The following RFX7 variants were observed in gnomAD, a reference collection of about 807,000 sequenced individuals.
RFX7 encodes regulatory factor X7.
A neutral mutation model predicts 111.8 loss-of-function variants in RFX7; 26 were observed. That is an observed-to-expected ratio of 0.23 (90% CI 0.17 to 0.32). RFX7 has a LOEUF of 0.32. Ranked by LOEUF, RFX7 falls within the 10% of genes least tolerant of loss-of-function variation. RFX7 has a pLI of 1.00. For synonymous variants in RFX7, 624 were observed against 624.4 expected (o/e 1.00, Z 0.01); for missense variants, 1,573 against 1,772.9 (o/e 0.89, Z 2.02).
At chr15:56,097,405 A>G (rs576502888) in intron 9 of RFX7, among the ~76,000 whole-genome samples, 28 of 152,068 alleles carry the variant, frequency 1.8e-4, no homozygotes, top group Admixed American at 3.9e-4. Flanking sequence ...TTAGAATTTT[A>G]CTCCATCTGA....
At chr15:56,166,600 T>G (rs1171633310) in intron 3 of RFX7, among the ~76,000 whole-genome samples, 1 of 152,190 alleles carries the variant, frequency 6.6e-6, no homozygotes, top group African/African-American at 2.4e-5. Flanking sequence ...TAACACCAGT[T>G]TCATGAGAAG....
chr15:56,115,771 T>A (rs2042001672), intron 5 of RFX7, among the ~76,000 whole-genome samples: 3 of 151,958 alleles, frequency 2.0e-5, no homozygotes, highest in Admixed American at 1.3e-4. Context: ...ATCCTGTCTC[T>A]ACTAAAAATA....
intron 5 of RFX7, among the ~76,000 whole-genome samples, chr15:56,114,667 G>C (rs1034887314): frequency 1.3e-5 from 2 of 151,632 alleles, no homozygotes; most frequent in African/African-American, 4.8e-5. Context: ...AGATTACTTT[G>C]CTTGAAGTCA....
Position 56,142,790 on chromosome 15 carries a change from T to A in RFX7, c.389A>T (p.Tyr130Phe). Residue 130 changes from tyrosine to phenylalanine, a missense_variant, in exon 5 of 10, where the codon TAT becomes TTT. By Grantham distance (22) the Tyr-to-Phe change is conservative. Transcript: ENST00000559447. The stretch of plus-strand genomic sequence containing the variant: ...ACATACTACTTACTTGTACTCATCA[T>A]AGACTTCCTGTTTGGGCAGTGAAGT... Reference protein sequence around the residue: ...PETSLPKQEVYDEYKSYCDNL... With the variant: ...PETSLPKQEVFDEYKSYCDNL... 1.2e-6 allele frequency: 2 copies of A among 1,613,256 alleles called. No homozygotes were observed. Among genetic ancestry groups the A allele is most frequent in the East Asian group, 2.2e-5 (1 of 44,874 alleles).
chr15:56,225,352 A>G (rs2043470854), intron 2 of RFX7, among the ~76,000 whole-genome samples: 1 of 152,176 alleles, frequency 6.6e-6, no homozygotes, highest in Non-Finnish European at 1.5e-5. Flanking sequence ...GGTTTCAGTT[A>G]CAGTCCCTCA....
At chr15:56,234,100 C>T (rs2043597480) in intron 2 of RFX7, among the ~76,000 whole-genome samples, 2 of 152,154 alleles carry the variant, frequency 1.3e-5, no homozygotes, top group African/African-American at 2.4e-5. Context: ...GGCCACTATC[C>T]TGAATTTTGT....
At chr15:56,131,382 T>A (rs541199636) in intron 5 of RFX7, among the ~76,000 whole-genome samples, 74 of 138,292 alleles carry the variant, frequency 5.4e-4, no homozygotes, top group Middle Eastern at 4.0e-3. Flanking sequence ...ATCCTCCAAC[T>A]CAGACTCTCG....
chr15:56,139,563 G>A (rs1378085301), intron 5 of RFX7, among the ~76,000 whole-genome samples: 2 of 152,078 alleles, frequency 1.3e-5, no homozygotes, highest in Non-Finnish European at 1.5e-5. Flanking sequence ...TGGTTTGAAT[G>A]TCCTCCCGTA....
Position 56,103,585 on chromosome 15 carries a change from C to A in RFX7, c.487G>T (p.Ala163Ser). Residue 163 changes from alanine to serine, a missense_variant, in exon 6 of 10, where the codon GCA (alanine) becomes TCA (serine). Transcript: ENST00000559447. ...IMKNVFPNMK[A>S]RRLGTRGKSK... ...TTGCCTCTTGTGCCCAAACGACGTGCCTTCATGTTTGGAAAGACGTTTTTC... is the reference window on the plus strand; with the variant it reads ...TTGCCTCTTGTGCCCAAACGACGTGACTTCATGTTTGGAAAGACGTTTTTC... 6.2e-7 allele frequency: 1 copy of A among 1,607,324 alleles called. No homozygotes were observed. Among genetic ancestry groups the A allele is most frequent in the Non-Finnish European group, 8.5e-7 (1 of 1,176,656 alleles).
chr15:56,241,373 T>G (rs944837762), intron 2 of RFX7, among the ~76,000 whole-genome samples: 4 of 152,200 alleles, frequency 2.6e-5, no homozygotes, highest in Non-Finnish European at 5.9e-5. Context: ...CACAACTCAC[T>G]TATTTTAAAA....
chr15:56,110,057 C>A (rs2041894234), intron 5 of RFX7, among the ~76,000 whole-genome samples: 1 of 120,956 alleles, frequency 8.3e-6, no homozygotes, highest in Non-Finnish European at 1.8e-5. Flanking sequence ...AGGAGCCCCT[C>A]TGCCCAGCCA....
chr15:56,139,898 G>T (rs1348995212), intron 5 of RFX7, among the ~76,000 whole-genome samples: 2 of 152,182 alleles, frequency 1.3e-5, no homozygotes, highest in African/African-American at 4.8e-5. Context: ...GTGTGCCCCT[G>T]CTGGGGGGTG....
intron 3 of RFX7, among the ~76,000 whole-genome samples, chr15:56,162,261 G>C (rs2042728717): frequency 6.6e-6 from 1 of 152,020 alleles, no homozygotes; most frequent in East Asian, 1.9e-4. Flanking sequence ...GAGAGGAAAA[G>C]TCAATTCTTT....
At chr15:56,127,372 G>A (rs1328655066) in intron 5 of RFX7, among the ~76,000 whole-genome samples, 6 of 150,966 alleles carry the variant, frequency 4.0e-5, no homozygotes, top group Non-Finnish European at 4.4e-5. Flanking sequence ...TAAAAAAGAA[G>A]AAAGGTGTCA....
intron 2 of RFX7, among the ~76,000 whole-genome samples, chr15:56,190,681 TAC>T (rs1275704434): frequency 2.6e-5 from 4 of 152,166 alleles, no homozygotes; most frequent in Non-Finnish European, 5.9e-5. Context: ...TGGGTCCCAC[TAC>T]AGACCTACTG....
intron 2 of RFX7, among the ~76,000 whole-genome samples, chr15:56,221,166 C>A (rs954113020): frequency 3.3e-5 from 5 of 152,160 alleles, no homozygotes; most frequent in Non-Finnish European, 7.4e-5. Flanking sequence ...GCCATTCAGG[C>A]TCTTTTTTAG....
At position 56,137,733 on chromosome 15, in the gene RFX7, C is replaced by T. The variant is rs192462835; in HGVS notation, c.401+5045G>A. Among the ~76,000 whole-genome samples, 867 of 152,092 alleles carry T rather than the reference C, an allele frequency of 5.7e-3. 9 individuals are homozygous for T. The highest frequency in any genetic ancestry group is 0.02 in the African/African-American group (820 of 41,502). ...GGGTGTCAATTTTAGATCTTTCCTGCATTCTCTTGTGGGCATTTAGTGCTA... is the reference window on the plus strand; with the variant it reads ...GGGTGTCAATTTTAGATCTTTCCTGTATTCTCTTGTGGGCATTTAGTGCTA... On this transcript the variant is annotated intron_variant, in intron 5 of 9. Transcript: ENST00000559447.
chr15:56,133,561 G>A (rs768505204), intron 5 of RFX7, among the ~76,000 whole-genome samples: 4 of 151,938 alleles, frequency 2.6e-5, no homozygotes, highest in Non-Finnish European at 4.4e-5. Context: ...GTTTTTGTTC[G>A]GGAAATTTCA....
chr15:56,186,666 C>T (rs533365599), intron 2 of RFX7, among the ~76,000 whole-genome samples: 1 of 151,738 alleles, frequency 6.6e-6, no homozygotes, highest in African/African-American at 2.4e-5. Context: ...AATATACACA[C>T]ATATCTATAC....
Sources: gnomAD v4.1 joint callset for allele counts (sites outside exome capture counted in the v4.1 genomes callset) on GRCh38, gnomAD v4.1.1 for gene constraint, MANE v1.5 for transcripts, NCBI Gene and HGNC (gene_info 2026-07-23, HGNC 2026-07-21) for gene names.